Variants in HERC5 observed in about 807,000 individuals in gnomAD.
The protein encoded by HERC5 is E3 ISG15--protein ligase HERC5.
HERC5 carries 99 observed loss-of-function variants against 119.6 expected under a neutral mutation model. The ratio of observed to expected loss-of-function variants is 0.83; its 90% confidence interval spans 0.70 to 0.98. The LOEUF is 0.98. HERC5 is among the 50% of genes least tolerant of loss of function. HERC5 has a pLI of 0.00. For synonymous variants in HERC5, 478 were observed against 445.9 expected, an observed-to-expected ratio of 1.07 and a Z score of -0.91; for missense variants, 1,267 against 1,241.3, an observed-to-expected ratio of 1.02 and a Z score of -0.31.
Position 88,504,414 on chromosome 4 carries a change from A to G in HERC5, c.2765A>G (p.Lys922Arg). 1 of 1,597,324 alleles carries G rather than the reference A, an allele frequency of 6.3e-7. No individual in the cohort carries two copies. The highest frequency in any genetic ancestry group is 8.6e-7 in the Non-Finnish European group (1 of 1,168,656). The part of the protein sequence containing the change: ...NTDYDWKTFE[K>R]NARYEPGYNS... ...GATTATGATTGGAAAACATTTGAAA[A>G]GGTACATCATCAAGTCTAAGTTGAT... is the stretch of plus-strand genomic sequence containing the variant. Residue 922 changes from lysine (K) to arginine (R), a missense_variant and splice_region_variant, in exon 21 of 23, where the codon AAG becomes AGG. Coordinates refer to ENST00000264350, the MANE Select transcript of HERC5 (RefSeq NM_016323.4).
intron 1 of HERC5, among the ~76,000 whole-genome samples, chr4:88,458,397 G>A (rs1049714133): frequency 1.0e-4 from 15 of 145,726 alleles, no homozygotes; most frequent in African/African-American, 3.8e-4. Flanking sequence ...TAATTTTAAG[G>A]TTTTTTTTTT....
Position 88,486,252 on chromosome 4 carries a change from G to A in HERC5, c.1851+24G>A, listed in dbSNP as rs780608102. The A allele has an allele frequency of 4.4e-6, 6 of 1,370,762 alleles. No homozygotes were observed. In the African/African-American group the frequency reaches 7.2e-5, roughly 16 times the overall value. The allele number at this position is 1,370,762 out of a possible 1,614,324, so 84.9% of individuals were successfully genotyped here. On this transcript the variant is annotated intron_variant, in intron 14 of 22. Coordinates refer to ENST00000264350, the MANE Select transcript of HERC5 (RefSeq NM_016323.4). ...TGGTAGGTATAGCATGTTTAAAGGG[G>A]GAAATTGATAATCAGTGAGTTAATA...
chr4:88,489,076 G>A, intron 15 of HERC5, 90 bp from the exon 16 acceptor site: 1 of 1,020,334 alleles, frequency 9.8e-7, no homozygotes, highest in Non-Finnish European at 1.5e-6. Context: ...GCACTTATAA[G>A]CAGAACCAGT....
chr4:88,467,942 A>G, intron 7 of HERC5: 1 of 911,006 alleles, frequency 1.1e-6, no homozygotes, highest in Non-Finnish European at 1.3e-6. Context: ...AGCATGTATT[A>G]TCTTTGATTC....
At chr4:88,469,802 C>T (rs1474708260) in intron 9 of HERC5, among the ~76,000 whole-genome samples, 1 of 152,150 alleles carries the variant, frequency 6.6e-6, no homozygotes, top group Non-Finnish European at 1.5e-5. Flanking sequence ...GGTACCATGG[C>T]CTAGCCAAGT....
At chr4:88,459,237 T>A in intron 1 of HERC5, 110 bp from the exon 2 acceptor site, 2 of 889,438 alleles carry the variant, frequency 2.2e-6, no homozygotes, top group Non-Finnish European at 3.2e-6. Flanking sequence ...AAGTCAAAGC[T>A]TGTCTAGTTG....
At chr4:88,483,519 CTTTTTT>C (rs1162985782) in intron 13 of HERC5, among the ~76,000 whole-genome samples, 1 of 83,180 alleles carries the variant, frequency 1.2e-5, no homozygotes, top group African/African-American at 4.8e-5. Context: ...GCTCTATAGG[CTTTTTT>C]TTTTTTTTTT....
At chr4:88,464,897 AG>A (rs1740601041) in intron 6 of HERC5, among the ~76,000 whole-genome samples, 1 of 152,108 alleles carries the variant, frequency 6.6e-6, no homozygotes, top group Admixed American at 6.5e-5. Context: ...CAGCCTCCGG[AG>A]TAGCTGGGAC....
chr4:88,481,674 G>C (rs568424057), intron 13 of HERC5, among the ~76,000 whole-genome samples: 1 of 152,164 alleles, frequency 6.6e-6, no homozygotes, highest in Non-Finnish European at 1.5e-5. Flanking sequence ...TGAGGCATGT[G>C]GTTTCTGTCA....
intron 7 of HERC5, 118 bp from the exon 8 acceptor site, chr4:88,468,228 T>G (rs1406717653): frequency 2.8e-6 from 2 of 706,264 alleles, no homozygotes; most frequent in South Asian, 4.3e-5. Flanking sequence ...TACTAAGTTT[T>G]GTCTATTAAG....
intron 19 of HERC5, 72 bp downstream of exon 19, chr4:88,500,064 G>T: frequency 2.2e-6 from 2 of 916,874 alleles, no homozygotes; most frequent in East Asian, 2.5e-5. Flanking sequence ...AACTAAACAT[G>T]TCAACTTTTA....
In HERC5 at chr4:88,463,589, C is replaced by T; in HGVS notation, c.746C>T (p.Ala249Val). The T allele has an allele frequency of 1.2e-6, 2 of 1,613,646 alleles. No homozygotes were observed. The highest frequency in any genetic ancestry group is 2.2e-5 in the East Asian group (1 of 44,858). ...GACAATCAGAAAGTTGAATTTGTCG[C>T]TTGTGGTGGCTCTCACAGTGCCCTA... is the stretch of plus-strand genomic sequence containing the variant. ...GLDNQKVEFV[A>V]CGGSHSALLT... is the part of the protein sequence containing the mutation. The change falls in exon 5 of 23, where the codon GCT becomes GTT. Residue 249 changes from alanine to valine, a missense_variant. This residue lies in a region of HERC5 where 777 missense variants were observed against 758.0 expected (regional missense o/e 1.03). Coordinates refer to ENST00000264350, the MANE Select transcript of HERC5 (RefSeq NM_016323.4).
At position 88,504,434 on chromosome 4, in the gene HERC5, G is replaced by A; in HGVS notation, c.2766+19G>A. 1 of 1,572,752 alleles carries A rather than the reference G, an allele frequency of 6.4e-7. No homozygotes were observed. The highest frequency in any genetic ancestry group is 8.6e-7 in the Non-Finnish European group (1 of 1,158,120). On this transcript the variant is annotated intron_variant, in intron 21 of 22. Coordinates refer to ENST00000264350, the MANE Select transcript of HERC5 (RefSeq NM_016323.4). ...TGAAAAGGTACATCATCAAGTCTAA[G>A]TTGATTAAATTCAGTTTTCCTTCCT...
In HERC5 at chr4:88,478,715, G is replaced by A. The variant is rs532890365; in HGVS notation, c.1583-638G>A. Reference sequence around the variant, plus strand: ...CAGCCTCCACCTCCCAGTCTCAAGCGGTTCTCCCACCTCAGCCTCCCGAGT... The same window carrying A: ...CAGCCTCCACCTCCCAGTCTCAAGCAGTTCTCCCACCTCAGCCTCCCGAGT... On this transcript the variant is annotated intron_variant, in intron 12 of 22. Coordinates refer to ENST00000264350, the MANE Select transcript of HERC5 (RefSeq NM_016323.4). Among the ~76,000 whole-genome samples, 121 of 152,080 alleles carry A rather than the reference G, an allele frequency of 8.0e-4. 1 individual carries two copies. Among genetic ancestry groups the A allele is most frequent in the African/African-American group, 2.8e-3 (115 of 41,482 alleles).
rs1454080831 is a variant in HERC5, at chr4:88,472,483, A to C, written c.1373A>C (p.Lys458Thr). Residue 458 changes from lysine (K) to threonine (T), a missense_variant, in exon 11 of 23, where the codon AAG becomes ACG. Lys to Thr is a moderately conservative substitution (Grantham distance 78, BLOSUM62 -1). Coordinates refer to ENST00000264350, the MANE Select transcript of HERC5 (RefSeq NM_016323.4). The part of the protein sequence containing the change: ...ARNIFKELTQ[K>T]DWITNMITTC... ...AACATCTTCAAGGAGTTAACCCAAA[A>C]GGACTGGATTACTAACATGGTATCT... The C allele has an allele frequency of 3.8e-6, 6 of 1,583,040 alleles. No individual in the cohort carries two copies. Among genetic ancestry groups the C allele is most frequent in the Non-Finnish European group, 5.2e-6 (6 of 1,154,038 alleles).
chr4:88,492,349 G>A (rs1263166194), intron 16 of HERC5, among the ~76,000 whole-genome samples: 3 of 151,894 alleles, frequency 2.0e-5, no homozygotes, highest in African/African-American at 7.3e-5. Flanking sequence ...ACTTGGATCT[G>A]GTGACTATAA....
Position 88,472,426 on chromosome 4 carries a change from T to A in HERC5, c.1316T>A (p.Met439Lys). Residue 439 changes from methionine to lysine, a missense_variant, in exon 11 of 23, where the codon ATG becomes AAG. Met to Lys is a moderately conservative substitution (Grantham distance 95, BLOSUM62 -1). Around this residue, in one of 3 missense-constraint regions of HERC5, gnomAD observed 777 missense variants for 758.0 expected, o/e 1.03. Coordinates refer to ENST00000264350, the MANE Select transcript of HERC5 (RefSeq NM_016323.4). ...TTCTACAGAAGAACTACAGAAATGATGCCTGTTTATTTGGACTTAAATAAA... is the reference window on the plus strand; with the variant it reads ...TTCTACAGAAGAACTACAGAAATGAAGCCTGTTTATTTGGACTTAAATAAA... ...FLRKRRTTEM[M>K]PVYLDLNKAR... 1.9e-6 allele frequency: 3 copies of A among 1,589,790 alleles called. No individual in the cohort carries two copies. Among genetic ancestry groups the A allele is most frequent in the Non-Finnish European group, 2.6e-6 (3 of 1,160,734 alleles).
At chr4:88,493,722 T>G (rs1290868588) in intron 17 of HERC5, among the ~76,000 whole-genome samples, 1 of 152,076 alleles carries the variant, frequency 6.6e-6, no homozygotes, top group Non-Finnish European at 1.5e-5. Context: ...TTCTCTTGCC[T>G]CAGCCTGGCG....
At chr4:88,483,749 C>T (rs1560608425) in intron 13 of HERC5, among the ~76,000 whole-genome samples, 1 of 151,884 alleles carries the variant, frequency 6.6e-6, no homozygotes, top group Non-Finnish European at 1.5e-5. Flanking sequence ...GGCTGGTCTC[C>T]CAACTCCTGA....
Sources: gnomAD v4.1 joint callset for allele counts (sites outside exome capture counted in the v4.1 genomes callset) on GRCh38, gnomAD v4.1.1 for gene constraint, gnomAD v4.1.1 regional missense constraint, MANE v1.5 for transcripts, NCBI Gene and HGNC (gene_info 2026-07-23, HGNC 2026-07-21) for gene names.